The following ANXA8 variants were observed in gnomAD, a reference collection of about 807,000 sequenced individuals.
ANXA8 encodes VAC-beta.
ANXA8 carries 9 observed loss-of-function variants against 26.8 expected under a neutral mutation model. That is an observed-to-expected ratio of 0.34 (90% CI 0.20 to 0.59). ANXA8 has a LOEUF of 0.59. Ranked by LOEUF, ANXA8 falls within the 20% of genes least tolerant of loss-of-function variation. The pLI, the probability that ANXA8 is intolerant of heterozygous loss-of-function variation, is 0.84. For missense variants in ANXA8, 83 were observed against 238.5 expected, an observed-to-expected ratio of 0.35 and a Z score of 4.29; for synonymous variants, 39 against 94.8, an observed-to-expected ratio of 0.41 and a Z score of 3.42.
the ANXA8 span, among the ~76,000 whole-genome samples, chr10:47,681,475 T>C: frequency 6.7e-6 from 1 of 150,286 alleles, no homozygotes; most frequent in Non-Finnish European, 1.5e-5. Flanking sequence ...GGCACCTACC[T>C]GTGAGTTCAT....
upstream of ANXA8, among the ~76,000 whole-genome samples, chr10:47,488,025 C>A (rs1348906071): frequency 7.0e-6 from 1 of 143,470 alleles, no homozygotes; most frequent in Non-Finnish European, 1.5e-5. Flanking sequence ...AAATTAGCAC[C>A]CACATAAAAG....
the ANXA8 span, among the ~76,000 whole-genome samples, chr10:47,646,986 G>A: frequency 6.6e-6 from 1 of 152,166 alleles, no homozygotes; most frequent in African/African-American, 2.4e-5. Context: ...ATTTAGTGGT[G>A]TTGAATATTT....
chr10:47,586,396 G>A, the ANXA8 span, among the ~76,000 whole-genome samples: 2 of 145,800 alleles, frequency 1.4e-5, no homozygotes, highest in African/African-American at 5.6e-5. Context: ...CCACTTCCTT[G>A]TGCTGGATTC....
At chr10:47,645,634 G>A in the ANXA8 span, among the ~76,000 whole-genome samples, 2 of 149,644 alleles carry the variant, frequency 1.3e-5, no homozygotes, top group Non-Finnish European at 2.9e-5. Flanking sequence ...CCTGTGATGA[G>A]TAACTTCATG....
chr10:47,732,649 G>A, the ANXA8 span, among the ~76,000 whole-genome samples: 1 of 126,138 alleles, frequency 7.9e-6, no homozygotes, highest in African/African-American at 3.0e-5. Flanking sequence ...TTCCCCAGAG[G>A]TATCCTTTTT....
At chr10:47,525,790 TTGC>T in the ANXA8 span, among the ~76,000 whole-genome samples, 4 of 124,482 alleles carry the variant, frequency 3.2e-5, no homozygotes, top group Non-Finnish European at 6.6e-5. Context: ...TGCTTCAACC[TTGC>T]TGAACACTAT....
the ANXA8 span, among the ~76,000 whole-genome samples, chr10:47,939,355 G>C: frequency 2.9e-5 from 4 of 139,278 alleles, no homozygotes; most frequent in Non-Finnish European, 6.1e-5. Flanking sequence ...CATGCGATTT[G>C]GGTCCTTGCA....
At chr10:47,724,612 T>C in the ANXA8 span, among the ~76,000 whole-genome samples, 3 of 141,878 alleles carry the variant, frequency 2.1e-5, 1 homozygote, top group Admixed American at 2.1e-4. Flanking sequence ...TTTTCTGTTA[T>C]AGTAGCCTGG....
the ANXA8 span, among the ~76,000 whole-genome samples, chr10:47,618,102 G>A: frequency 9.1e-6 from 1 of 109,890 alleles, no homozygotes; most frequent in Non-Finnish European, 2.0e-5. Context: ...GCAGAAAGTT[G>A]GCTGATTTTT....
At chr10:47,490,091 C>T in the ANXA8 span, among the ~76,000 whole-genome samples, 1 of 150,564 alleles carries the variant, frequency 6.6e-6, no homozygotes, top group African/African-American at 2.5e-5. Context: ...CCAGGTCACA[C>T]CCCTCTCAGG....
chr10:47,609,286 T>C, the ANXA8 span, among the ~76,000 whole-genome samples: 1 of 147,628 alleles, frequency 6.8e-6, no homozygotes, highest in South Asian at 2.1e-4. Flanking sequence ...GCTGAAAACC[T>C]CCAGCAGAAT....
the ANXA8 span, among the ~76,000 whole-genome samples, chr10:47,693,278 T>TTGTCAAG: frequency 2.6e-5 from 4 of 151,258 alleles, no homozygotes; most frequent in African/African-American, 9.8e-5. Context: ...TCCTGTAGGA[T>TTGTCAAG]TGTCAAGTAC....
the ANXA8 span, among the ~76,000 whole-genome samples, chr10:47,555,504 A>C: frequency 6.6e-6 from 1 of 151,856 alleles, no homozygotes; most frequent in Non-Finnish European, 1.5e-5. Flanking sequence ...TCCTGTTCAA[A>C]TGACTGTGTG....
chr10:47,747,351 G>C, the ANXA8 span, among the ~76,000 whole-genome samples: 2 of 149,560 alleles, frequency 1.3e-5, no homozygotes, highest in African/African-American at 2.4e-5. Flanking sequence ...AAGCTATGCA[G>C]AAAGGCTATG....
At chr10:47,596,704 C>A in the ANXA8 span, among the ~76,000 whole-genome samples, 1 of 144,994 alleles carries the variant, frequency 6.9e-6, no homozygotes, top group African/African-American at 2.8e-5. Flanking sequence ...AAACACACAA[C>A]TTCCCAAGAT....
At chr10:47,618,012 T>C in the ANXA8 span, among the ~76,000 whole-genome samples, 1 of 111,964 alleles carries the variant, frequency 8.9e-6, no homozygotes, top group African/African-American at 3.5e-5. Context: ...AAAAAAAACT[T>C]CATGTGGTTT....
chr10:47,976,622 G>A, the ANXA8 span, among the ~76,000 whole-genome samples: 1 of 148,206 alleles, frequency 6.7e-6, no homozygotes, highest in African/African-American at 2.5e-5. Context: ...CAGCCTGGTA[G>A]CCACTGGGGA....
At chr10:47,971,404 C>T in the ANXA8 span, among the ~76,000 whole-genome samples, 2 of 149,738 alleles carry the variant, frequency 1.3e-5, no homozygotes, top group Non-Finnish European at 3.0e-5. Flanking sequence ...CGTTTTATCT[C>T]CCCTGTTGCA....
At chr10:47,960,956 T>G in the ANXA8 span, among the ~76,000 whole-genome samples, 1 of 139,272 alleles carries the variant, frequency 7.2e-6, no homozygotes, top group East Asian at 2.3e-4. Context: ...GGCCCTTGAG[T>G]CAGCTGCTTG....
Sources: gnomAD v4.1 joint callset for allele counts (sites outside exome capture counted in the v4.1 genomes callset) on GRCh38, gnomAD v4.1.1 for gene constraint, MANE v1.5 for transcripts, NCBI Gene and HGNC (gene_info 2026-07-23, HGNC 2026-07-21) for gene names.